Variants in DAB1 observed in about 807,000 individuals in gnomAD.
The protein encoded by DAB1 is disabled homolog 1.
Under a neutral mutation model 64.6 loss-of-function variants are expected in DAB1, and 15 were observed. The ratio of observed to expected loss-of-function variants is 0.23; its 90% CI spans 0.16 to 0.36. The LOEUF (loss-of-function observed/expected upper bound fraction) is 0.36. DAB1 is among the 10% of genes least tolerant of loss of function. DAB1 has a pLI of 1.00. For synonymous variants in DAB1, 235 were observed against 251.9 expected (o/e 0.93, Z 0.64); for missense variants, 596 against 706.7 (o/e 0.84, Z 1.78).
intron 6 of DAB1, among the ~76,000 whole-genome samples, chr1:57,657,893 T>C (rs1002956866): frequency 2.0e-5 from 3 of 152,192 alleles, no homozygotes; most frequent in Admixed American, 2.0e-4. Flanking sequence ...CAGATGAATA[T>C]AATATAGTTC....
At chr1:57,951,810 TA>T (rs1461057578) in intron 5 of DAB1, among the ~76,000 whole-genome samples, 1 of 152,246 alleles carries the variant, frequency 6.6e-6, no homozygotes, top group Non-Finnish European at 1.5e-5. Flanking sequence ...CAACTCCCCA[TA>T]TATTCCTTGG....
intron 7 of DAB1, among the ~76,000 whole-genome samples, chr1:57,510,539 C>G (rs973938995): frequency 6.6e-5 from 10 of 152,242 alleles, no homozygotes; most frequent in African/African-American, 1.9e-4. Context: ...ACCCCGAGCT[C>G]TAAATATTAT....
At chr1:57,398,609 C>T (rs1682999954) in intron 1 of DAB1, among the ~76,000 whole-genome samples, 1 of 152,218 alleles carries the variant, frequency 6.6e-6, no homozygotes, top group Admixed American at 6.5e-5. Context: ...CCACTTTCAT[C>T]TTTTGATTTG....
upstream of DAB1, among the ~76,000 whole-genome samples, chr1:57,884,526 A>G (rs528434012): frequency 4.6e-5 from 7 of 152,252 alleles, no homozygotes; most frequent in Non-Finnish European, 1.0e-4. Flanking sequence ...GGATGAATCT[A>G]TCTGTAGGAT....
chr1:57,390,819 G>A (rs576591829), intron 1 of DAB1, among the ~76,000 whole-genome samples: 6 of 152,090 alleles, frequency 3.9e-5, no homozygotes, highest in Admixed American at 2.0e-4. Flanking sequence ...GCTTACAAAT[G>A]TTAGCCATGC....
chr1:58,246,838 G>T (rs1490653806), intron 4 of DAB1, among the ~76,000 whole-genome samples: 1 of 152,082 alleles, frequency 6.6e-6, no homozygotes. Context: ...GTGACTCTGT[G>T]TGTGAAGGTG....
At chr1:58,213,898 T>C (rs1390024631) in intron 4 of DAB1, among the ~76,000 whole-genome samples, 1 of 152,178 alleles carries the variant, frequency 6.6e-6, no homozygotes, top group Non-Finnish European at 1.5e-5. Flanking sequence ...TCTGTTTCTT[T>C]GCCATAACCT....
intron 6 of DAB1, among the ~76,000 whole-genome samples, chr1:57,781,688 C>G (rs542764902): frequency 2.8e-5 from 4 of 140,916 alleles, no homozygotes; most frequent in Non-Finnish European, 6.0e-5. Context: ...CAAGGTAGGA[C>G]TTTGCATCTG....
chr1:57,023,089 T>C (rs1646673785), intron 11 of DAB1, among the ~76,000 whole-genome samples: 1 of 152,256 alleles, frequency 6.6e-6, no homozygotes, highest in Non-Finnish European at 1.5e-5. Context: ...CCACTTTGTC[T>C]GGGGACCTTC....
chr1:58,101,300 G>C (rs1439984530), intron 5 of DAB1, among the ~76,000 whole-genome samples: 1 of 152,180 alleles, frequency 6.6e-6, no homozygotes. Context: ...CTGGGCGACA[G>C]AGCGAGACTC....
chr1:58,100,355 G>A (rs371689603), intron 5 of DAB1, among the ~76,000 whole-genome samples: 1 of 152,126 alleles, frequency 6.6e-6, no homozygotes, highest in African/African-American at 2.4e-5. Context: ...ACATCTTTAT[G>A]ATTCATGCAT....
intron 3 of DAB1, among the ~76,000 whole-genome samples, chr1:58,388,662 G>A (rs1014574985): frequency 1.3e-5 from 2 of 152,186 alleles, no homozygotes; most frequent in Admixed American, 6.5e-5. Context: ...TAGTTAAGCC[G>A]CTGTGGTCAG....
chr1:57,535,674 A>G (rs941399936), intron 7 of DAB1, among the ~76,000 whole-genome samples: 1 of 151,698 alleles, frequency 6.6e-6, no homozygotes, highest in African/African-American at 2.4e-5. Context: ...GTTGGCCAGG[A>G]TGGTCTCGAT....
intron 7 of DAB1, among the ~76,000 whole-genome samples, chr1:57,629,735 G>GAA (rs35634554): frequency 0.24 from 33,849 of 142,944 alleles, 4,259 homozygotes; most frequent in Admixed American, 0.34. Flanking sequence ...TCAAGAACTT[G>GAA]AAAAAAAAAA....
At chr1:57,317,467 A>C (rs1675312035) in intron 1 of DAB1, among the ~76,000 whole-genome samples, 1 of 152,194 alleles carries the variant, frequency 6.6e-6, no homozygotes, top group Non-Finnish European at 1.5e-5. Context: ...AGTCACGTAA[A>C]TAGAATGACC....
intron 1 of DAB1, among the ~76,000 whole-genome samples, chr1:57,369,631 CA>C (rs1436379389): frequency 6.6e-6 from 1 of 152,126 alleles, no homozygotes; most frequent in Non-Finnish European, 1.5e-5. Flanking sequence ...ATTGAATCTT[CA>C]ACAGTCTTGT....
intron 5 of DAB1, among the ~76,000 whole-genome samples, chr1:58,073,221 A>G (rs1486922402): frequency 6.6e-6 from 1 of 152,130 alleles, no homozygotes; most frequent in Non-Finnish European, 1.5e-5. Context: ...TGCTTTGTCC[A>G]TTGTTCTGCC....
At chr1:57,537,575 A>G (rs1644745492) in intron 7 of DAB1, among the ~76,000 whole-genome samples, 1 of 151,712 alleles carries the variant, frequency 6.6e-6, no homozygotes. Flanking sequence ...TTTTTCAAAA[A>G]AGCTCCTAGG....
At chr1:57,577,725 T>G (rs370567157) in intron 7 of DAB1, among the ~76,000 whole-genome samples, 2 of 152,162 alleles carry the variant, frequency 1.3e-5, no homozygotes. Flanking sequence ...CCACAAAACC[T>G]GCTGAATCCA....
Sources: gnomAD v4.1 joint callset for allele counts (sites outside exome capture counted in the v4.1 genomes callset) on GRCh38, gnomAD v4.1.1 for gene constraint, MANE v1.5 for transcripts, NCBI Gene and HGNC (gene_info 2026-07-23, HGNC 2026-07-21) for gene names.